Variants in SCFD2 observed in about 807,000 individuals in gnomAD.
SCFD2 encodes sec1 family domain containing 2.
SCFD2 carries 54 observed loss-of-function variants against 58.9 expected under a neutral mutation model. That is an observed-to-expected ratio of 0.92 (90% CI 0.74 to 1.15). The LOEUF is 1.15. Ranked by LOEUF, SCFD2 falls within the 50% of genes most tolerant of loss-of-function variation. The probability of loss-of-function intolerance (pLI) is 0.00; values close to 1 mark genes in which losing one functional copy is unlikely to be tolerated. For missense variants in SCFD2, 805 were observed against 836.6 expected, an observed-to-expected ratio of 0.96 and a Z score of 0.47; for synonymous variants, 321 against 335.9, an observed-to-expected ratio of 0.96 and a Z score of 0.49.
chr4:53,055,637 CAAAAAT>C (rs1723316134), intron 5 of SCFD2, among the ~76,000 whole-genome samples: 1 of 151,742 alleles, frequency 6.6e-6, no homozygotes, highest in African/African-American at 2.4e-5. Flanking sequence ...GACTACATGC[CAAAAAT>C]AAAAATAAAA....
intron 5 of SCFD2, among the ~76,000 whole-genome samples, chr4:53,096,321 T>C (rs887049867): frequency 1.3e-5 from 2 of 152,240 alleles, no homozygotes; most frequent in African/African-American, 4.8e-5. Flanking sequence ...TGAACTAGTT[T>C]ACAGTCCCAC....
chr4:52,972,699 A>G (rs1361908292), intron 5 of SCFD2, among the ~76,000 whole-genome samples: 2 of 152,186 alleles, frequency 1.3e-5, no homozygotes, highest in African/African-American at 4.8e-5. Context: ...TCCACCCCAA[A>G]TCAACAGAAT....
At chr4:52,904,851 G>A (rs899054091) in intron 7 of SCFD2, among the ~76,000 whole-genome samples, 10 of 152,186 alleles carry the variant, frequency 6.6e-5, no homozygotes, top group African/African-American at 2.4e-4. Context: ...GTGCTCTTAG[G>A]AAAACGCCTG....
chr4:52,926,993 G>A (rs1719878750), intron 5 of SCFD2, among the ~76,000 whole-genome samples: 1 of 152,196 alleles, frequency 6.6e-6, no homozygotes, highest in Non-Finnish European at 1.5e-5. Flanking sequence ...ACCTTAGCAA[G>A]TGGCATGATA....
At chr4:52,936,659 C>T (rs919693164) in intron 5 of SCFD2, among the ~76,000 whole-genome samples, 8 of 152,198 alleles carry the variant, frequency 5.3e-5, no homozygotes, top group African/African-American at 1.7e-4. Flanking sequence ...GCCCCTCTAG[C>T]TCTGACTTAT....
chr4:53,037,965 T>C (rs548775040), intron 5 of SCFD2, among the ~76,000 whole-genome samples: 8 of 152,274 alleles, frequency 5.3e-5, no homozygotes, highest in Admixed American at 2.0e-4. Context: ...GATATCTGCT[T>C]GGAACATGAC....
In SCFD2 at chr4:53,356,976, T is replaced by C. The variant is rs188177830; in HGVS notation, c.839-4210A>G. Among the ~76,000 whole-genome samples the C allele has an allele frequency of 2.7e-4, 41 of 152,234 alleles. No homozygotes were observed. The East Asian group carries it at 7.2e-3, about 27-fold the overall frequency. On this transcript the variant is annotated intron_variant, in intron 1 of 8. Coordinates refer to ENST00000401642, the MANE Select transcript of SCFD2 (RefSeq NM_152540.4). The stretch of plus-strand genomic sequence containing the variant: ...CCACCACACCTACCTTCATTAATAT[T>C]AATAGCCCATATTATTATACTGATA...
At chr4:53,098,177 CT>C (rs1206292516) in intron 5 of SCFD2, among the ~76,000 whole-genome samples, 2 of 152,088 alleles carry the variant, frequency 1.3e-5, no homozygotes, top group African/African-American at 2.4e-5. Context: ...CTAAAATTCT[CT>C]TTTTTTGTTG....
At chr4:52,965,552 A>G (rs1002608068) in intron 5 of SCFD2, among the ~76,000 whole-genome samples, 7 of 152,262 alleles carry the variant, frequency 4.6e-5, no homozygotes, top group African/African-American at 1.7e-4. Flanking sequence ...GCAGTATTCA[A>G]AATGATGCCA....
intron 4 of SCFD2, among the ~76,000 whole-genome samples, chr4:53,159,841 T>C (rs1291370594): frequency 6.6e-6 from 1 of 152,214 alleles, no homozygotes. Flanking sequence ...CCAGTGACCA[T>C]AATTTCTGTG....
chr4:53,138,081 C>T (rs1725996559), intron 5 of SCFD2, among the ~76,000 whole-genome samples: 2 of 152,136 alleles, frequency 1.3e-5, no homozygotes, highest in African/African-American at 2.4e-5. Context: ...GGAAGCACTA[C>T]CCTATATGAC....
intron 5 of SCFD2, among the ~76,000 whole-genome samples, chr4:53,047,562 C>T (rs1723073735): frequency 1.3e-5 from 2 of 152,224 alleles, no homozygotes; most frequent in South Asian, 4.1e-4. Context: ...CTTCCTCTCA[C>T]CTGTACCACG....
At chr4:53,216,274 T>C (rs7685415) in intron 4 of SCFD2, among the ~76,000 whole-genome samples, 105,466 of 151,980 alleles carry the variant, frequency 0.69, 36,838 homozygotes, top group Middle Eastern at 0.78. Flanking sequence ...TTCGTCTGGC[T>C]CTGGACTTTT....
At chr4:52,898,072 G>A (rs1719073693) in intron 7 of SCFD2, among the ~76,000 whole-genome samples, 1 of 152,088 alleles carries the variant, frequency 6.6e-6, no homozygotes, top group Admixed American at 6.6e-5. Flanking sequence ...TTTGCTAGCA[G>A]TCTATCATTG....
At chr4:53,101,070 G>A (rs1483194138) in intron 5 of SCFD2, among the ~76,000 whole-genome samples, 1 of 152,138 alleles carries the variant, frequency 6.6e-6, no homozygotes, top group Non-Finnish European at 1.5e-5. Flanking sequence ...ATGAAGCACT[G>A]CAGCTTCCAT....
At chr4:53,020,781 A>C (rs1382381809) in intron 5 of SCFD2, among the ~76,000 whole-genome samples, 2 of 152,186 alleles carry the variant, frequency 1.3e-5, no homozygotes, top group Admixed American at 1.3e-4. Flanking sequence ...ATATAGTCCT[A>C]GGAACCATGG....
Position 52,885,782 on chromosome 4 carries a change from T to C in SCFD2, c.1927A>G (p.Lys643Glu), listed in dbSNP as rs765567049. The change falls in exon 8 of 9, where the codon AAA (lysine) becomes GAA (glutamate). Residue 643 changes from lysine to glutamate, a missense_variant. By Grantham distance (56) the Lys-to-Glu change is moderately conservative (BLOSUM62 1). This residue lies in a region of SCFD2 where 633 missense variants were observed against 646.8 expected (regional missense o/e 0.98). Transcript: ENST00000401642. ...GVTVSEVKMV[K>E]DLVASLKPGT... ...GGCTTCAACGATGCCACAAGATCTT[T>C]GACCATTTTCACTTCAGAGACTGTG... 1 of 1,614,104 alleles carries C rather than the reference T, an allele frequency of 6.2e-7. No individual in the cohort carries two copies. Among genetic ancestry groups the C allele is most frequent in the East Asian group, 2.2e-5 (1 of 44,876 alleles).
Position 52,902,796 on chromosome 4 carries a change from A to T in SCFD2, c.1842+4661T>A, listed in dbSNP as rs1719237309. The stretch of plus-strand genomic sequence containing the variant: ...CACAAAGATGTGCCCAAGGTCACAT[A>T]GTTAGTAAACGGTGGAGCTTGGGTT... On this transcript the variant is annotated intron_variant, in intron 7 of 8. Transcript: ENST00000401642. 2.6e-5 allele frequency among the ~76,000 whole-genome samples: 4 copies of T among 152,234 alleles called. No individual in the cohort carries two copies. The South Asian group carries it at 8.3e-4, about 32-fold the overall frequency.
chr4:53,300,832 G>C (rs1223421393), intron 3 of SCFD2, among the ~76,000 whole-genome samples: 3 of 152,118 alleles, frequency 2.0e-5, no homozygotes, highest in Non-Finnish European at 4.4e-5. Flanking sequence ...AACTGAGCAA[G>C]CTGCTCCTGA....
Sources: allele counts gnomAD v4.1 joint callset (sites outside exome capture counted in the v4.1 genomes callset), GRCh38; gene constraint gnomAD v4.1.1; regional missense constraint gnomAD v4.1.1; transcripts MANE v1.5; gene names NCBI Gene and HGNC (gene_info 2026-07-23, HGNC 2026-07-21).